Variants in MYO16 observed in about 807,000 individuals in gnomAD.
MYO16 encodes the protein unconventional myosin-XVI.
A neutral mutation model predicts 205.3 loss-of-function variants in MYO16; 94 were observed. The ratio of observed to expected loss-of-function variants is 0.46; its 90% CI spans 0.39 to 0.54. MYO16 has a LOEUF of 0.54. Ranked by LOEUF, MYO16 falls within the 20% of genes least tolerant of loss-of-function variation. The probability of loss-of-function intolerance (pLI) is 0.00; values close to 1 mark genes in which losing one functional copy is unlikely to be tolerated. For missense variants in MYO16, 2,315 were observed against 2,387.5 expected (o/e 0.97, Z 0.63); for synonymous variants, 988 against 954.0 (o/e 1.04, Z -0.66).
intron 20 of MYO16, among the ~76,000 whole-genome samples, chr13:108,970,024 C>T (rs527836209): frequency 6.6e-6 from 1 of 152,248 alleles, no homozygotes; most frequent in Middle Eastern, 3.4e-3. Context: ...AAGTATTTGC[C>T]ATTCTTTTGC....
chr13:108,740,537 C>T (rs950614149), intron 4 of MYO16, among the ~76,000 whole-genome samples: 3 of 152,148 alleles, frequency 2.0e-5, no homozygotes, highest in Admixed American at 2.0e-4. Flanking sequence ...AGATGTCAGT[C>T]TGCCCCTACT....
chr13:108,933,814 A>AGT (rs1220674650), intron 16 of MYO16, among the ~76,000 whole-genome samples: 1 of 152,008 alleles, frequency 6.6e-6, no homozygotes, highest in Non-Finnish European at 1.5e-5. Context: ...CCATGAGCCC[A>AGT]GTGTTCAGTT....
intron 1 of MYO16, among the ~76,000 whole-genome samples, chr13:108,607,147 C>T (rs1008588565): frequency 1.7e-4 from 26 of 152,248 alleles, no homozygotes; most frequent in Middle Eastern, 3.4e-3. Flanking sequence ...GAGGAAGGGA[C>T]TTGCCTTGTC....
At chr13:109,194,001 G>A (rs1040551597) in intron 34 of MYO16, among the ~76,000 whole-genome samples, 6 of 152,110 alleles carry the variant, frequency 3.9e-5, no homozygotes, top group African/African-American at 1.4e-4. Context: ...GCCTTTAAAT[G>A]TGTTGTTTCT....
chr13:108,704,576 G>A (rs575498878), intron 2 of MYO16, among the ~76,000 whole-genome samples: 1 of 152,188 alleles, frequency 6.6e-6, no homozygotes, highest in East Asian at 1.9e-4. Flanking sequence ...GGAAGATACA[G>A]AGATTTTCCA....
intron 13 of MYO16, chr13:108,886,530 C>T: frequency 2.2e-6 from 1 of 455,474 alleles, no homozygotes; most frequent in Non-Finnish European, 4.4e-6. Flanking sequence ...AAGCAGGGTG[C>T]CTGGTGCCCC....
chr13:108,799,997 G>T (rs1388769915), intron 6 of MYO16, among the ~76,000 whole-genome samples: 1 of 152,068 alleles, frequency 6.6e-6, no homozygotes, highest in Admixed American at 6.5e-5. Context: ...AGAATTTGGG[G>T]GTGTTTTGGA....
rs564682778 is a variant in MYO16, at chr13:109,085,042, G to A, written c.3336-15743G>A. Among the ~76,000 whole-genome samples the A allele has an allele frequency of 2.6e-5, 4 of 152,270 alleles. No individual in the cohort carries two copies. In the South Asian group the frequency reaches 8.3e-4, roughly 32 times the overall value. The stretch of plus-strand genomic sequence containing the variant: ...GAAAGGGGTGTACACACAAGCAGGT[G>A]CAGAAGTGCAGCACTGAGGGAGCAT... On this transcript the variant is annotated intron_variant, in intron 27 of 34. Coordinates refer to ENST00000457511, the MANE Select transcript of MYO16 (RefSeq NM_001198950.3).
intron 1 of MYO16, among the ~76,000 whole-genome samples, chr13:108,616,202 C>G (rs1394363731): frequency 6.6e-6 from 1 of 152,164 alleles, no homozygotes; most frequent in African/African-American, 2.4e-5. Context: ...CTTTCTATAA[C>G]TAGTTTTTAA....
intron 7 of MYO16, among the ~76,000 whole-genome samples, chr13:108,809,924 A>C (rs1338260009): frequency 6.6e-6 from 1 of 152,146 alleles, no homozygotes; most frequent in Non-Finnish European, 1.5e-5. Flanking sequence ...TGAGAACCAT[A>C]AACATCTATA....
intron 4 of MYO16, among the ~76,000 whole-genome samples, chr13:108,783,105 A>G (rs985095514): frequency 2.0e-5 from 3 of 152,088 alleles, no homozygotes; most frequent in East Asian, 1.9e-4. Context: ...AGCTTGCACC[A>G]TGAGCCTGGA....
At chr13:108,854,018 G>T (rs1048689358) in intron 10 of MYO16, among the ~76,000 whole-genome samples, 3 of 148,846 alleles carry the variant, frequency 2.0e-5, no homozygotes, top group Non-Finnish European at 4.5e-5. Flanking sequence ...TTTTGAGACG[G>T]AGTCTTGCTC....
intron 27 of MYO16, chr13:109,065,511 A>T: frequency 1.2e-5 from 5 of 427,774 alleles, no homozygotes; most frequent in South Asian, 8.6e-5. Context: ...AGAAAGGGTA[A>T]TAGGAGGCCA....
intron 1 of MYO16, among the ~76,000 whole-genome samples, chr13:108,638,746 C>T (rs1002561247): frequency 6.6e-6 from 1 of 152,036 alleles, no homozygotes; most frequent in Non-Finnish European, 1.5e-5. Flanking sequence ...ACAAGAAATT[C>T]ACAATCGAGG....
At position 109,206,830 on chromosome 13, in the gene MYO16, C is replaced by T; in HGVS notation, c.5637C>T (p.Thr1879=). 6.2e-7 allele frequency: 1 copy of T among 1,613,730 alleles called. No individual in the cohort carries two copies. Among genetic ancestry groups the T allele is most frequent in the Non-Finnish European group, 8.5e-7 (1 of 1,179,758 alleles). ...TGCCGTCTGAGCTCTGGGACACCAC[C>T]ATTTGATGTGGCCTGAACTGCAGAC... The part of the protein sequence containing the change: ...NRLPSELWDT[T]I The change falls in exon 35 of 35, where the codon ACC becomes ACT. Residue 1879 remains threonine (T), a synonymous_variant. Transcript: ENST00000457511.
chr13:108,873,521 C>T (rs1417458228), intron 12 of MYO16, among the ~76,000 whole-genome samples: 4 of 152,266 alleles, frequency 2.6e-5, no homozygotes, highest in Admixed American at 2.0e-4. Flanking sequence ...CAGTGCTGAT[C>T]TGACACTAAC....
At chr13:108,772,245 G>A (rs1484162543) in intron 4 of MYO16, among the ~76,000 whole-genome samples, 2 of 152,156 alleles carry the variant, frequency 1.3e-5, no homozygotes, top group South Asian at 2.1e-4. Flanking sequence ...TGTGGTCCCA[G>A]CTACTTGGGA....
intron 23 of MYO16, among the ~76,000 whole-genome samples, chr13:109,038,518 A>G (rs1886784708): frequency 6.6e-6 from 1 of 152,004 alleles, no homozygotes; most frequent in Non-Finnish European, 1.5e-5. Flanking sequence ...CTTTCGAACT[A>G]CCTTGTCGAC....
intron 2 of MYO16, among the ~76,000 whole-genome samples, chr13:108,676,686 G>C (rs1882226991): frequency 6.6e-6 from 1 of 152,170 alleles, no homozygotes. Flanking sequence ...TGTGGAGTGA[G>C]TGACACTGCT....
Sources: gnomAD v4.1 joint callset for allele counts (sites outside exome capture counted in the v4.1 genomes callset) on GRCh38, gnomAD v4.1.1 for gene constraint, MANE v1.5 for transcripts, NCBI Gene and HGNC (gene_info 2026-07-23, HGNC 2026-07-21) for gene names.